Variants in TIAM2 observed in about 807,000 individuals in gnomAD.
The protein encoded by TIAM2 is rho guanine nucleotide exchange factor TIAM2.
Under a neutral mutation model 152.9 loss-of-function variants are expected in TIAM2, and 80 were observed. The observed-to-expected ratio is 0.52, with a 90% CI of 0.44 to 0.63. The LOEUF (loss-of-function observed/expected upper bound fraction) is 0.63, where lower values mean the gene tolerates loss of function less well. Ranked by LOEUF, TIAM2 falls within the 30% of genes least tolerant of loss-of-function variation. The probability of loss-of-function intolerance (pLI) is 0.00; values close to 1 mark genes in which losing one functional copy is unlikely to be tolerated. For synonymous variants in TIAM2, 804 were observed against 838.0 expected (o/e 0.96, Z 0.70); for missense variants, 1,965 against 2,120.1 (o/e 0.93, Z 1.44).
intron 7 of TIAM2, among the ~76,000 whole-genome samples, chr6:155,164,133 G>GTGTTTTT (rs1554236331): frequency 1.7e-5 from 2 of 118,006 alleles, no homozygotes; most frequent in African/African-American, 2.9e-5. Flanking sequence ...TAATTTTTGT[G>GTGTTTTT]TTTTTTTTTT....
At chr6:155,057,746 A>G (rs1337407834) in intron 1 of TIAM2, among the ~76,000 whole-genome samples, 1 of 151,576 alleles carries the variant, frequency 6.6e-6, no homozygotes, top group African/African-American at 2.4e-5. Flanking sequence ...GGGTTCCACT[A>G]TGTTCACCAG....
In TIAM2 at chr6:155,156,959, G is replaced by A. The variant is rs1780132875; in HGVS notation, c.2029-7456G>A. On this transcript the variant is annotated intron_variant, in intron 7 of 26. Coordinates refer to ENST00000682666, the MANE Select transcript of TIAM2 (RefSeq NM_012454.4). The surrounding 1 kb of genome is among the most constrained non-coding windows in gnomAD (Gnocchi z 4.4). Reference sequence around the variant, plus strand: ...ATCGCCCTTTTGCCCACTCCATCAGGGAGCCCCACTCTCCTCCCACAGTTC... The same window carrying A: ...ATCGCCCTTTTGCCCACTCCATCAGAGAGCCCCACTCTCCTCCCACAGTTC... Among the ~76,000 whole-genome samples the A allele has an allele frequency of 6.6e-6, 1 of 152,092 alleles. No individual in the cohort carries two copies. The highest frequency in any genetic ancestry group is 2.4e-5 in the African/African-American group (1 of 41,424).
intron 1 of TIAM2, among the ~76,000 whole-genome samples, chr6:155,042,417 G>A (rs971741123): frequency 2.0e-5 from 3 of 152,122 alleles, no homozygotes; most frequent in Non-Finnish European, 4.4e-5. Context: ...GCAACATGGC[G>A]AAACCCCATC....
intron 1 of TIAM2, among the ~76,000 whole-genome samples, chr6:154,998,008 A>C (rs1348197704): frequency 6.6e-6 from 1 of 152,168 alleles, no homozygotes; most frequent in Non-Finnish European, 1.5e-5. Flanking sequence ...TGTATAAGTC[A>C]GTATACAGAA....
rs965738337 is a variant in TIAM2, at chr6:155,137,118, A to G, written c.1195-59A>G. 2.6e-4 allele frequency: 408 copies of G among 1,557,040 alleles called. No homozygotes were observed. The highest frequency in any genetic ancestry group is 7.8e-4 in the Admixed American group (43 of 55,434). On this transcript the variant is annotated intron_variant, in intron 4 of 26. Coordinates refer to ENST00000682666, the MANE Select transcript of TIAM2 (RefSeq NM_012454.4). ...TGGTATTACACTTATGCTGTGTGCAAGAAGGGATGCTTTGGATAGCCGTAA... is the reference window on the plus strand; with the variant it reads ...TGGTATTACACTTATGCTGTGTGCAGGAAGGGATGCTTTGGATAGCCGTAA...
chr6:155,101,389 C>T (rs1778546007), intron 2 of TIAM2, among the ~76,000 whole-genome samples: 1 of 152,138 alleles, frequency 6.6e-6, no homozygotes, highest in Admixed American at 6.6e-5. Context: ...ATGAATATTG[C>T]CGAGGTTTTT....
rs896315177 is a variant in TIAM2, at chr6:155,144,711, C to T, written c.1736C>T (p.Pro579Leu). 1 of 1,611,442 alleles carries T rather than the reference C, an allele frequency of 6.2e-7. No homozygotes were observed. Among genetic ancestry groups the T allele is most frequent in the South Asian group, 1.1e-5 (1 of 90,330 alleles). ...FAEDSIVQSVPEHPKKENVFC... is the reference protein window; with the variant it reads ...FAEDSIVQSVLEHPKKENVFC... ...GAAGACAGCATAGTGCAGTCTGTTCCAGAGCATCCCAAGAAAGAAAATGTG... is the reference window on the plus strand; with the variant it reads ...GAAGACAGCATAGTGCAGTCTGTTCTAGAGCATCCCAAGAAAGAAAATGTG... The change falls in exon 6 of 27, where the codon CCA becomes CTA. Residue 579 changes from proline to leucine, a missense_variant. Pro to Leu is a moderately conservative substitution (Grantham distance 98). This residue lies in a region of TIAM2 where 1,025 missense variants were observed against 1,119.4 expected (regional missense o/e 0.92). Transcript: ENST00000682666.
intron 2 of TIAM2, among the ~76,000 whole-genome samples, chr6:155,096,929 C>T (rs1338765719): frequency 6.6e-6 from 1 of 152,148 alleles, no homozygotes. Flanking sequence ...AACTCCAAAC[C>T]GTTCTCCATA....
intron 2 of TIAM2, among the ~76,000 whole-genome samples, chr6:155,111,327 AC>A (rs1778843663): frequency 7.9e-6 from 1 of 127,178 alleles, no homozygotes; most frequent in Non-Finnish European, 1.6e-5. Context: ...ACACACACAC[AC>A]ACACACACAC....
chr6:155,000,845 G>A (rs527383507), intron 1 of TIAM2, among the ~76,000 whole-genome samples: 28 of 152,314 alleles, frequency 1.8e-4, no homozygotes, highest in African/African-American at 6.5e-4. Context: ...TTAGCTGGGT[G>A]TGGTGGTGCA....
At chr6:155,215,694 C>T (rs1473428051) in intron 15 of TIAM2, among the ~76,000 whole-genome samples, 2 of 137,096 alleles carry the variant, frequency 1.5e-5, no homozygotes, top group Non-Finnish European at 3.2e-5. Context: ...ATTTTTTTTT[C>T]TGTTCCGTGG....
At chr6:155,120,258 C>T (rs1381655577) in intron 2 of TIAM2, among the ~76,000 whole-genome samples, 1 of 152,250 alleles carries the variant, frequency 6.6e-6, no homozygotes, top group Non-Finnish European at 1.5e-5. Context: ...TGTTAATATG[C>T]ATTTGGAAGG....
At chr6:155,221,644 T>G (rs1782049819) in intron 15 of TIAM2, among the ~76,000 whole-genome samples, 1 of 152,196 alleles carries the variant, frequency 6.6e-6, no homozygotes. Context: ...GTAAGGGACC[T>G]CTTGCCAGAG....
intron 14 of TIAM2, among the ~76,000 whole-genome samples, chr6:155,188,077 G>A (rs1781097391): frequency 6.6e-6 from 1 of 152,194 alleles, no homozygotes; most frequent in Non-Finnish European, 1.5e-5. Flanking sequence ...GAGGTTTTGA[G>A]GATGGAATGA....
chr6:155,243,934 CAGG>C, intron 16 of TIAM2, 74 bp from the exon 17 acceptor site: 1 of 1,124,082 alleles, frequency 8.9e-7, no homozygotes, highest in Non-Finnish European at 1.3e-6. Flanking sequence ...GAGCTGCTGC[CAGG>C]TTGCTGCTAC....
chr6:155,171,766 T>C (rs906455609), intron 9 of TIAM2, among the ~76,000 whole-genome samples: 1 of 152,222 alleles, frequency 6.6e-6, no homozygotes, highest in African/African-American at 2.4e-5. Flanking sequence ...TTCTTTCATA[T>C]CAACCGATGT....
chr6:155,216,448 C>T (rs1484584969), intron 15 of TIAM2, among the ~76,000 whole-genome samples: 1 of 152,218 alleles, frequency 6.6e-6, no homozygotes, highest in African/African-American at 2.4e-5. Flanking sequence ...GTACCCAGGG[C>T]TTTTGACAGC....
chr6:155,155,896 GCCCT>G (rs1780095600), intron 7 of TIAM2, among the ~76,000 whole-genome samples: 3 of 152,206 alleles, frequency 2.0e-5, no homozygotes, highest in Non-Finnish European at 4.4e-5. Context: ...CACTGTCTCT[GCCCT>G]CAGTGACAGT....
chr6:155,112,716 G>A lies in TIAM2; in HGVS notation c.-117-14774G>A, dbSNP rs187254777. ...AAACTGAACTCCTCATCTTGCCCGC[G>A]GAAGCCTGCTCTGCTCTGCCGTCTG... On this transcript the variant is annotated intron_variant, in intron 2 of 26. Coordinates refer to ENST00000682666, the MANE Select transcript of TIAM2 (RefSeq NM_012454.4). Among the ~76,000 whole-genome samples, 5 of 152,188 alleles carry A rather than the reference G, an allele frequency of 3.3e-5. No individual in the cohort carries two copies. In the South Asian group the frequency reaches 8.3e-4, roughly 25 times the overall value.
Sources: gnomAD v4.1 joint callset for allele counts (sites outside exome capture counted in the v4.1 genomes callset) on GRCh38, gnomAD v4.1.1 for gene constraint, gnomAD v4.1.1 regional missense constraint, Gnocchi (gnomAD v3.1) non-coding constraint, MANE v1.5 for transcripts, NCBI Gene and HGNC (gene_info 2026-07-23, HGNC 2026-07-21) for gene names.